The following POLR2B variants were observed in gnomAD, a reference collection of about 807,000 sequenced individuals.
POLR2B encodes RNA polymerase II subunit B, also known as DNA-directed RNA polymerase II subunit RPB2.
Under a neutral mutation model 144.6 loss-of-function variants are expected in POLR2B, and 57 were observed. That is an observed-to-expected ratio of 0.39 (90% CI 0.32 to 0.49). POLR2B has a LOEUF of 0.49. Among genes scored for constraint, POLR2B ranks in the 20% least tolerant of loss-of-function variants. The pLI, the probability that POLR2B is intolerant of heterozygous loss-of-function variation, is 0.83. For synonymous variants in POLR2B, 442 were observed against 469.8 expected (o/e 0.94, Z 0.77); for missense variants, 595 against 1,467.4 (o/e 0.41, Z 9.71).
Position 56,978,907 on chromosome 4 carries a change from A to G in POLR2B, c.-79A>G, listed in dbSNP as rs894265291. 2.2e-6 allele frequency: 3 copies of G among 1,367,920 alleles called. No homozygotes were observed. Among genetic ancestry groups the G allele is most frequent in the Non-Finnish European group, 1.0e-6 (1 of 955,776 alleles). 84.7% of individuals were successfully genotyped at this position (1,367,920 alleles called of 1,614,324 possible). A position where few individuals can be genotyped will look rare whatever the true frequency, so the allele number is the denominator to read the frequency against. ...CGGAGACGGAAGTTACTTCGTCTTT[A>G]GCTCCTGGCGCTGCTGGCTTCTGGG... On this transcript the variant is annotated 5_prime_UTR_variant, in exon 1 of 25. Coordinates refer to ENST00000314595, the MANE Select transcript of POLR2B (RefSeq NM_000938.3).
chr4:56,988,830 A>G (rs1056868179), intron 2 of POLR2B, among the ~76,000 whole-genome samples: 14 of 152,192 alleles, frequency 9.2e-5, no homozygotes, highest in Admixed American at 2.0e-4. Flanking sequence ...GAGTGTGCCT[A>G]TATTCTACAT....
intron 13 of POLR2B, 26 bp downstream of exon 13, chr4:57,011,126 T>C: frequency 2.1e-6 from 3 of 1,428,420 alleles, no homozygotes; most frequent in Non-Finnish European, 3.0e-6. Context: ...TAAGAGGGTG[T>C]GGACTGTGAG....
intron 1 of POLR2B, chr4:56,985,369 C>G (rs1023698439): frequency 1.0e-6 from 1 of 985,216 alleles, no homozygotes; most frequent in Admixed American, 6.2e-5. Context: ...GTGGTAGCCG[C>G]GAGGGACGGG....
At chr4:56,980,006 C>T (rs544300831) in intron 1 of POLR2B, among the ~76,000 whole-genome samples, 31 of 152,116 alleles carry the variant, frequency 2.0e-4, no homozygotes, top group South Asian at 1.9e-3. Flanking sequence ...CTCTCAATTC[C>T]TTGGCCACCC....
chr4:57,019,030 G>C (rs756428381), intron 16 of POLR2B, among the ~76,000 whole-genome samples: 1 of 152,162 alleles, frequency 6.6e-6, no homozygotes, highest in African/African-American at 2.4e-5. Context: ...TTTATCTTTA[G>C]TGTATTGTAA....
At chr4:57,001,863 C>T (rs368905751) in intron 7 of POLR2B, among the ~76,000 whole-genome samples, 23 of 152,216 alleles carry the variant, frequency 1.5e-4, no homozygotes, top group South Asian at 8.3e-4. Flanking sequence ...TTGTCCAGAG[C>T]GCTTAAGACT....
chr4:57,029,130 G>A (rs1348798608), intron 23 of POLR2B, among the ~76,000 whole-genome samples: 2 of 152,000 alleles, frequency 1.3e-5, no homozygotes, highest in Non-Finnish European at 2.9e-5. Flanking sequence ...GAGATTTAGC[G>A]TTTGAGTTTT....
At chr4:56,994,356 T>G (rs757459884) in intron 3 of POLR2B, 48 bp from the exon 4 acceptor site, 3 of 994,366 alleles carry the variant, frequency 3.0e-6, no homozygotes. Context: ...CTAAAACTTT[T>G]ATGGAAAAAA....
chr4:56,994,366 ATTAT>A (rs780926058), intron 3 of POLR2B, 34 bp from the exon 4 acceptor site: 1 of 1,073,638 alleles, frequency 9.3e-7, no homozygotes, highest in Non-Finnish European at 1.4e-6. Context: ...TATGGAAAAA[ATTAT>A]TTACCCTTTT....
At chr4:57,029,252 C>A (rs893149849) in intron 23 of POLR2B, among the ~76,000 whole-genome samples, 3 of 152,196 alleles carry the variant, frequency 2.0e-5, no homozygotes, top group African/African-American at 7.2e-5. Context: ...CGATTTCCAA[C>A]TGATACCATT....
rs1560474186 is a variant in POLR2B, at chr4:56,995,262, C to T, written c.588C>T (p.Ala196=). Residue 196 remains alanine, a synonymous_variant, in exon 6 of 25, where the codon GCC becomes GCT. Transcript: ENST00000314595. The part of the protein sequence containing the change: ...IINGSEKVLI[A]QEKMATNTVY... ...TATTGTCCAAATAGGTTCTGATTGCCCAAGAGAAAATGGCAACAAACACAG... is the reference window on the plus strand; with the variant it reads ...TATTGTCCAAATAGGTTCTGATTGCTCAAGAGAAAATGGCAACAAACACAG... 23 of 1,604,682 alleles carry T rather than the reference C, an allele frequency of 1.4e-5. No individual in the cohort carries two copies. The highest frequency in any genetic ancestry group is 1.7e-5 in the Non-Finnish European group (20 of 1,173,246).
chr4:57,019,885 C>T (rs1297976254), intron 16 of POLR2B, among the ~76,000 whole-genome samples: 1 of 149,256 alleles, frequency 6.7e-6, no homozygotes, highest in Non-Finnish European at 1.5e-5. Context: ...TCTTTAGTTT[C>T]CTTAATCTAG....
At chr4:56,986,963 T>C (rs527376885) in intron 2 of POLR2B, among the ~76,000 whole-genome samples, 21 of 152,338 alleles carry the variant, frequency 1.4e-4, no homozygotes, top group African/African-American at 5.0e-4. Flanking sequence ...GGATCACATA[T>C]TGCATTTACT....
chr4:57,027,892 C>T (rs1353018836), intron 23 of POLR2B, among the ~76,000 whole-genome samples: 2 of 152,168 alleles, frequency 1.3e-5, no homozygotes, highest in East Asian at 3.8e-4. Context: ...CTACTGATGT[C>T]ATTAGAAAAG....
rs41547621 is a variant in POLR2B at position 57,017,441 on chromosome 4, A to T, written c.2155-119A>T. ...TGATTATTCCAAATGGTTATTACTT[A>T]CTGTTTTTGAAAAAAATCAGGAGTT... On this transcript the variant is annotated intron_variant, in intron 15 of 24. Coordinates refer to ENST00000314595, the MANE Select transcript of POLR2B (RefSeq NM_000938.3). This position sits in a 1 kb window ranked among gnomAD's most constrained non-coding sequence, Gnocchi z 4.8. 6,198 of 875,790 alleles carry T rather than the reference A, an allele frequency of 7.1e-3. 30 individuals are homozygous for T. Among genetic ancestry groups the T allele is most frequent in the Middle Eastern group, 0.018 (55 of 3,048 alleles). The allele number at this position is 875,790 out of a possible 1,614,324, so 54.3% of individuals were successfully genotyped here.
rs907297346 is a variant in POLR2B, at chr4:56,978,924, G to C, written c.-62G>C. Reference sequence around the variant, plus strand: ...TCGTCTTTAGCTCCTGGCGCTGCTGGCTTCTGGGCGGTTTTTGTCTTTTGA... The same window carrying C: ...TCGTCTTTAGCTCCTGGCGCTGCTGCCTTCTGGGCGGTTTTTGTCTTTTGA... On this transcript the variant is annotated 5_prime_UTR_variant, in exon 1 of 25. Transcript: ENST00000314595. 3 of 1,528,356 alleles carry C rather than the reference G, an allele frequency of 2.0e-6. No individual in the cohort carries two copies. Among genetic ancestry groups the C allele is most frequent in the Admixed American group, 3.3e-5 (2 of 59,904 alleles). The allele number at this position is 1,528,356 out of a possible 1,614,324, so 94.7% of individuals were successfully genotyped here. A position where few individuals can be genotyped will look rare whatever the true frequency, so the allele number is the denominator to read the frequency against.
At chr4:57,000,345 G>A (rs1317769292) in intron 7 of POLR2B, among the ~76,000 whole-genome samples, 1 of 152,116 alleles carries the variant, frequency 6.6e-6, no homozygotes, top group African/African-American at 2.4e-5. Context: ...TGGGAAGATC[G>A]CTTGAGCCCA....
chr4:57,019,356 G>A (rs539852429), intron 16 of POLR2B, among the ~76,000 whole-genome samples: 82 of 152,102 alleles, frequency 5.4e-4, no homozygotes, highest in African/African-American at 1.9e-3. Context: ...CTTCATCATG[G>A]CATCTTTATT....
chr4:57,007,777 G>A (rs1403406739), intron 10 of POLR2B, among the ~76,000 whole-genome samples: 1 of 152,156 alleles, frequency 6.6e-6, no homozygotes, highest in Admixed American at 6.5e-5. Context: ...GTATCACTGG[G>A]CATTTTAATT....
Sources: gnomAD v4.1 joint callset for allele counts (sites outside exome capture counted in the v4.1 genomes callset) on GRCh38, gnomAD v4.1.1 for gene constraint, Gnocchi (gnomAD v3.1) non-coding constraint, MANE v1.5 for transcripts, NCBI Gene and HGNC (gene_info 2026-07-23, HGNC 2026-07-21) for gene names.